The following NR3C2 variants were observed in gnomAD, a reference collection of about 807,000 sequenced individuals.
NR3C2 encodes nuclear receptor subfamily 3 group C member 2.
In NR3C2, 15 loss-of-function variants were observed where a neutral mutation model predicts 86.4. The ratio of observed to expected loss-of-function variants is 0.17; its 90% confidence interval spans 0.12 to 0.27. NR3C2 has a LOEUF of 0.27. NR3C2 is among the 10% of genes least tolerant of loss of function. The pLI is 1.00. For synonymous variants in NR3C2, 458 were observed against 450.5 expected, an observed-to-expected ratio of 1.02 and a Z score of -0.21; for missense variants, 960 against 1,195.6, an observed-to-expected ratio of 0.80 and a Z score of 2.91.
chr4:148,292,368 T>C (rs947375820), intron 2 of NR3C2, among the ~76,000 whole-genome samples: 6 of 152,086 alleles, frequency 3.9e-5, no homozygotes, highest in African/African-American at 1.4e-4. Flanking sequence ...CATATATTAA[T>C]GTCCACTAAA....
chr4:148,269,615 T>A (rs780167113), intron 2 of NR3C2, among the ~76,000 whole-genome samples: 1 of 151,956 alleles, frequency 6.6e-6, no homozygotes, highest in Non-Finnish European at 1.5e-5. Flanking sequence ...AATGACTATA[T>A]CTATGTACAA....
At chr4:148,186,202 C>A (rs1735882335) in intron 4 of NR3C2, among the ~76,000 whole-genome samples, 1 of 152,076 alleles carries the variant, frequency 6.6e-6, no homozygotes, top group African/African-American at 2.4e-5. Context: ...ATTTGCATTT[C>A]TATTATAATG....
At chr4:148,425,259 T>C (rs1049022042) in intron 2 of NR3C2, among the ~76,000 whole-genome samples, 9 of 152,160 alleles carry the variant, frequency 5.9e-5, no homozygotes, top group African/African-American at 2.2e-4. Flanking sequence ...GTATGGAAAA[T>C]GTACAAGTAA....
At chr4:148,437,522 C>T (rs912102326) in intron 1 of NR3C2, among the ~76,000 whole-genome samples, 2 of 152,170 alleles carry the variant, frequency 1.3e-5, no homozygotes, top group Non-Finnish European at 2.9e-5. Context: ...AAGATCTATA[C>T]ATTCTGATAA....
chr4:148,360,286 A>G (rs1273286172), intron 2 of NR3C2, among the ~76,000 whole-genome samples: 5 of 152,202 alleles, frequency 3.3e-5, no homozygotes, highest in African/African-American at 1.2e-4. Flanking sequence ...AGCATGCTGT[A>G]CACATGTTCT....
rs190502404 is a variant in NR3C2 at position 148,295,118 on chromosome 4, A to C, written c.1758-35001T>G. On this transcript the variant is annotated intron_variant, in intron 2 of 8. Coordinates refer to ENST00000358102, the MANE Select transcript of NR3C2 (RefSeq NM_000901.5). ...TTTAGATATATCTACCAAAATAATG[A>C]AAACTACAAAGGTAAAAAAGATGGG... 3.9e-5 allele frequency among the ~76,000 whole-genome samples: 6 copies of C among 152,342 alleles called. No individual in the cohort carries two copies. In the East Asian group the frequency reaches 1.2e-3, roughly 29 times the overall value.
chr4:148,122,004 G>GCTTATGTCAC (rs1482249750), intron 6 of NR3C2, among the ~76,000 whole-genome samples: 1 of 152,168 alleles, frequency 6.6e-6, no homozygotes, highest in Non-Finnish European at 1.5e-5. Flanking sequence ...CATGTCACCT[G>GCTTATGTCAC]CTTTCATTCC....
intron 2 of NR3C2, among the ~76,000 whole-genome samples, chr4:148,318,621 G>T (rs1228312633): frequency 6.6e-6 from 1 of 152,126 alleles, no homozygotes; most frequent in Non-Finnish European, 1.5e-5. Context: ...TTTCTCTAAC[G>T]GCCAGTGATG....
At chr4:148,299,670 A>C (rs2149920017) in intron 2 of NR3C2, among the ~76,000 whole-genome samples, 1 of 152,348 alleles carries the variant, frequency 6.6e-6, no homozygotes, top group South Asian at 2.1e-4. Context: ...GGCAATTAGA[A>C]GTTCATCTCC....
intron 4 of NR3C2, among the ~76,000 whole-genome samples, chr4:148,183,980 A>G (rs1477645982): frequency 6.6e-6 from 1 of 152,010 alleles, no homozygotes; most frequent in African/African-American, 2.4e-5. Flanking sequence ...AGGAGAGTGA[A>G]CTGCCGCAGG....
chr4:148,163,980 G>A (rs906353578), intron 4 of NR3C2, among the ~76,000 whole-genome samples: 5 of 152,150 alleles, frequency 3.3e-5, no homozygotes, highest in African/African-American at 4.8e-5. Context: ...TAATCAGAAG[G>A]TCAAAGGGGG....
chr4:148,404,676 C>CA (rs1748326552), intron 2 of NR3C2, among the ~76,000 whole-genome samples: 1 of 151,572 alleles, frequency 6.6e-6, no homozygotes, highest in African/African-American at 2.4e-5. Context: ...TTTTTGGAAG[C>CA]AAAATGATAA....
chr4:148,262,260 T>C lies in NR3C2; in HGVS notation c.1758-2143A>G, dbSNP rs1359562134. 2.0e-5 allele frequency among the ~76,000 whole-genome samples: 3 copies of C among 152,164 alleles called. No homozygotes were observed. In the East Asian group the frequency reaches 5.8e-4, roughly 29 times the overall value. ...GGCCTTGATCCCAGTACTATTTTAT[T>C]GGGATCTTACCTTCAGTCTTTGGAA... is the stretch of plus-strand genomic sequence containing the variant. On this transcript the variant is annotated intron_variant, in intron 2 of 8. Transcript: ENST00000358102.
At chr4:148,400,836 T>C (rs1748124779) in intron 2 of NR3C2, among the ~76,000 whole-genome samples, 1 of 145,756 alleles carries the variant, frequency 6.9e-6, no homozygotes, top group South Asian at 2.3e-4. Flanking sequence ...AAATACAAGA[T>C]AAATTTGCTT....
intron 8 of NR3C2, among the ~76,000 whole-genome samples, chr4:148,111,992 C>T (rs1223043026): frequency 6.6e-6 from 1 of 152,050 alleles, no homozygotes; most frequent in Non-Finnish European, 1.5e-5. Context: ...ATCAGTTATA[C>T]CTCAATTAAG....
At chr4:148,443,104 G>C (rs1750432363), upstream of NR3C2, 3 of 399,554 alleles carry the variant, frequency 7.5e-6, no homozygotes, top group Non-Finnish European at 1.0e-5. Flanking sequence ...AGCAGCAGCA[G>C]CCTTCGCTGC....
chr4:148,121,670 T>A (rs1732509239), intron 6 of NR3C2, among the ~76,000 whole-genome samples: 1 of 150,662 alleles, frequency 6.6e-6, no homozygotes, highest in Non-Finnish European at 1.5e-5. Flanking sequence ...TCACTACACA[T>A]GTATGTATCT....
intron 4 of NR3C2, among the ~76,000 whole-genome samples, chr4:148,169,946 A>G (rs1307898390): frequency 6.6e-6 from 1 of 152,254 alleles, no homozygotes; most frequent in East Asian, 1.9e-4. Flanking sequence ...GAGATTACAG[A>G]AAGCAGGAGA....
intron 3 of NR3C2, among the ~76,000 whole-genome samples, chr4:148,229,776 C>T (rs748369939): frequency 6.6e-6 from 1 of 152,156 alleles, no homozygotes; most frequent in African/African-American, 2.4e-5. Flanking sequence ...AGATAGTTTA[C>T]GTTTTTTATA....
Sources: allele counts gnomAD v4.1 joint callset (sites outside exome capture counted in the v4.1 genomes callset), GRCh38; gene constraint gnomAD v4.1.1; transcripts MANE v1.5; gene names NCBI Gene and HGNC (gene_info 2026-07-23, HGNC 2026-07-21).